NIN: variants seen among roughly 807,000 people sequenced by gnomAD.
The protein encoded by NIN is ninein.
Under a neutral mutation model 257.6 loss-of-function variants are expected in NIN, and 137 were observed. The observed-to-expected ratio is 0.53, with a 90% CI of 0.46 to 0.61. The LOEUF is 0.61. NIN is among the 20% of genes least tolerant of loss of function. The pLI is 0.00. For synonymous variants in NIN, 918 were observed against 919.8 expected (o/e 1.00, Z 0.04); for missense variants, 2,439 against 2,501.2 (o/e 0.98, Z 0.53).
intron 29 of NIN, among the ~76,000 whole-genome samples, 191 bp downstream of exon 29, chr14:50,729,330 CAT>C (rs1386840688): frequency 6.6e-6 from 1 of 151,658 alleles, no homozygotes; most frequent in Non-Finnish European, 1.5e-5. Context: ...TATTCACACA[CAT>C]GATCGTAGCT....
At position 50,758,541 on chromosome 14, in the gene NIN, T is replaced by A; in HGVS notation, c.2489A>T (p.Glu830Val). The A allele has an allele frequency of 6.2e-7, 1 of 1,614,010 alleles. No homozygotes were observed. The highest frequency in any genetic ancestry group is 8.5e-7 in the Non-Finnish European group (1 of 1,179,934). The change falls in exon 18 of 31, where the codon GAA (glutamate) becomes GTA (valine). Residue 830 changes from glutamate to valine, a missense_variant. Glu to Val is a moderately radical substitution (Grantham distance 121). This residue lies in a region of NIN where 2,043 missense variants were observed against 2,050.2 expected (regional missense o/e 1.00). Coordinates refer to ENST00000530997, the MANE Select transcript of NIN (RefSeq NM_020921.4). ...SDCQKVTERCESALQSLEGRY... is the reference protein window; with the variant it reads ...SDCQKVTERCVSALQSLEGRY... ...CCCCTCCAGGCTTTGCAGAGCGCTTTCACACCTCTCAGTGACTTTCTGACA... is the reference window on the plus strand; with the variant it reads ...CCCCTCCAGGCTTTGCAGAGCGCTTACACACCTCTCAGTGACTTTCTGACA...
At chr14:50,799,512 A>G (rs2043989739) in intron 4 of NIN, among the ~76,000 whole-genome samples, 1 of 152,236 alleles carries the variant, frequency 6.6e-6, no homozygotes, top group African/African-American at 2.4e-5. Context: ...GACGTTATCC[A>G]GTTCGTCACC....
intron 4 of NIN, among the ~76,000 whole-genome samples, chr14:50,794,694 C>T (rs867799032): frequency 2.1e-5 from 3 of 144,296 alleles, no homozygotes; most frequent in African/African-American, 7.8e-5. Flanking sequence ...AGTATAAGAA[C>T]AAAGTTGTGT....
chr14:50,780,736 C>T (rs773884105), intron 5 of NIN, among the ~76,000 whole-genome samples: 4 of 152,126 alleles, frequency 2.6e-5, no homozygotes, highest in Non-Finnish European at 5.9e-5. Context: ...ATGGAAGACA[C>T]CAAAAGGCCA....
chr14:50,747,052 G>C lies in NIN; in HGVS notation c.5064+940C>G, dbSNP rs180925308. On this transcript the variant is annotated intron_variant, in intron 22 of 30. Coordinates refer to ENST00000530997, the MANE Select transcript of NIN (RefSeq NM_020921.4). Reference sequence around the variant, plus strand: ...AATTTTTTTGTAGAGATATGGTTTTGTCCTGTTGCCCAGGCTGGTCTCATA... The same window carrying C: ...AATTTTTTTGTAGAGATATGGTTTTCTCCTGTTGCCCAGGCTGGTCTCATA... Among the ~76,000 whole-genome samples the C allele has an allele frequency of 5.1e-3, 770 of 152,198 alleles. 5 individuals carry two copies. Among genetic ancestry groups the C allele is most frequent in the African/African-American group, 0.017 (721 of 41,536 alleles).
At chr14:50,801,187 T>G (rs2044087810) in intron 4 of NIN, among the ~76,000 whole-genome samples, 1 of 147,444 alleles carries the variant, frequency 6.8e-6, no homozygotes, top group African/African-American at 2.5e-5. Context: ...GCCTTCCAGG[T>G]TCAAGCGATT....
intron 28 of NIN, among the ~76,000 whole-genome samples, chr14:50,732,016 G>T (rs969718258): frequency 1.4e-4 from 21 of 152,142 alleles, no homozygotes; most frequent in Admixed American, 1.3e-4. Context: ...TAACCCTTTT[G>T]TTGAGTGTTC....
chr14:50,759,146 G>A (rs774479567), intron 17 of NIN, among the ~76,000 whole-genome samples: 3 of 152,334 alleles, frequency 2.0e-5, no homozygotes, highest in South Asian at 2.1e-4. Flanking sequence ...GATTTCACAT[G>A]AGGAATGTAA....
At chr14:50,764,298 C>G (rs928525666) in intron 14 of NIN, among the ~76,000 whole-genome samples, 1 of 152,122 alleles carries the variant, frequency 6.6e-6, no homozygotes, top group Middle Eastern at 3.4e-3. Context: ...CAAATCAAAG[C>G]CACAATAAGA....
Position 50,789,077 on chromosome 14 carries a change from C to T in NIN, c.435+3635G>A, listed in dbSNP as rs559475914. On this transcript the variant is annotated intron_variant, in intron 5 of 30. Transcript: ENST00000530997. ...AAAACTGCAATCAAAACAAAGAAGA[C>T]CTGGCTCCAGATCCCCATCTTATTA... Among the ~76,000 whole-genome samples the T allele has an allele frequency of 2.1e-4, 32 of 152,296 alleles. 1 individual carries two copies. Among genetic ancestry groups the T allele is most frequent in the Admixed American group, 1.9e-3 (29 of 15,296 alleles).
intron 28 of NIN, among the ~76,000 whole-genome samples, chr14:50,730,367 A>G (rs1407148899): frequency 6.6e-6 from 1 of 152,220 alleles, no homozygotes; most frequent in Non-Finnish European, 1.5e-5. Context: ...GTGTACCAAC[A>G]TGCCAGTCAA....
intron 22 of NIN, among the ~76,000 whole-genome samples, chr14:50,747,095 T>A (rs1241477001): frequency 6.6e-6 from 1 of 152,192 alleles, no homozygotes; most frequent in Non-Finnish European, 1.5e-5. Context: ...CCTCAAGTGA[T>A]CTGCCCACCT....
chr14:50,767,792 G>C (rs1017664774), intron 12 of NIN, among the ~76,000 whole-genome samples: 7 of 150,452 alleles, frequency 4.7e-5, no homozygotes, highest in Admixed American at 4.6e-4. Flanking sequence ...ACTCCAGCCT[G>C]GGCGACACAG....
chr14:50,727,343 A>G (rs2040458657), intron 29 of NIN: 1 of 985,290 alleles, frequency 1.0e-6, no homozygotes, highest in Non-Finnish European at 1.2e-6. Flanking sequence ...TTCCATATAT[A>G]AAAGTAGTAC....
At chr14:50,830,123 G>T (rs1212473323) in intron 2 of NIN, among the ~76,000 whole-genome samples, 4 of 152,226 alleles carry the variant, frequency 2.6e-5, no homozygotes, top group African/African-American at 7.2e-5. Flanking sequence ...AGTTTCCTCT[G>T]CAGCGTCTCA....
intron 20 of NIN, among the ~76,000 whole-genome samples, chr14:50,754,056 C>T (rs1431863249): frequency 6.6e-6 from 1 of 152,200 alleles, no homozygotes; most frequent in Non-Finnish European, 1.5e-5. Flanking sequence ...CAGACAGATT[C>T]TTAAATGGCC....
In NIN at chr14:50,814,210, C is replaced by A. The variant is rs534150335; in HGVS notation, c.184-7392G>T. Among the ~76,000 whole-genome samples, 3 of 152,216 alleles carry A rather than the reference C, an allele frequency of 2.0e-5. No homozygotes were observed. The South Asian group carries it at 6.2e-4, about 32-fold the overall frequency. On this transcript the variant is annotated intron_variant, in intron 3 of 30. Transcript: ENST00000530997. Reference sequence around the variant, plus strand: ...AAAGCAACTATATGAAGCTGTACTCCAAGACTGGTCCAAGGAATCCTGTTT... The same window carrying A: ...AAAGCAACTATATGAAGCTGTACTCAAAGACTGGTCCAAGGAATCCTGTTT...
At chr14:50,732,049 C>T (rs1428255725) in intron 28 of NIN, among the ~76,000 whole-genome samples, 2 of 152,164 alleles carry the variant, frequency 1.3e-5, no homozygotes, top group African/African-American at 4.8e-5. Context: ...TTGAACCGCT[C>T]ATGTTGAAAA....
rs141054882 is a variant in NIN, at chr14:50,728,534, C to CTT, written c.6078+988_6078+989insAA. 8.0e-3 allele frequency among the ~76,000 whole-genome samples: 1,216 copies of CTT among 152,292 alleles called. 18 individuals are homozygous for CTT. The highest frequency in any genetic ancestry group is 0.027 in the African/African-American group (1,129 of 41,566). ...ATGTAGAGTTCCAGAGCTAATGTGACTGCAAAGCCACTTTGAGGGGATTCA... is the reference window on the plus strand; with the variant it reads ...ATGTAGAGTTCCAGAGCTAATGTGACTTTGCAAAGCCACTTTGAGGGGATTCA... On this transcript the variant is annotated intron_variant, in intron 29 of 30. Coordinates refer to ENST00000530997, the MANE Select transcript of NIN (RefSeq NM_020921.4).
Sources: allele counts gnomAD v4.1 joint callset (sites outside exome capture counted in the v4.1 genomes callset), GRCh38; gene constraint gnomAD v4.1.1; regional missense constraint gnomAD v4.1.1; transcripts MANE v1.5; gene names NCBI Gene and HGNC (gene_info 2026-07-23, HGNC 2026-07-21).